RABGAP1L: variants seen among roughly 807,000 people sequenced by gnomAD.
The protein encoded by RABGAP1L is RAB GTPase activating protein 1 like.
Under a neutral mutation model 137.7 loss-of-function variants are expected in RABGAP1L, and 63 were observed. The ratio of observed to expected loss-of-function variants is 0.46; its 90% CI spans 0.37 to 0.56. RABGAP1L has a LOEUF of 0.56. Among genes scored for constraint, RABGAP1L ranks in the 20% least tolerant of loss-of-function variants. RABGAP1L has a pLI of 0.00. For synonymous variants in RABGAP1L, 431 were observed against 433.7 expected (o/e 0.99, Z 0.08); for missense variants, 1,095 against 1,244.0 (o/e 0.88, Z 1.80).
chr1:174,629,471 G>C (rs916020429), intron 13 of RABGAP1L, among the ~76,000 whole-genome samples: 2 of 152,158 alleles, frequency 1.3e-5, no homozygotes, highest in Admixed American at 6.5e-5. Context: ...TGTATAAGAA[G>C]AAAACTCTAG....
chr1:174,827,745 A>G lies in RABGAP1L; in HGVS notation c.2340+15785A>G, dbSNP rs541766465. 5.4e-5 allele frequency among the ~76,000 whole-genome samples: 8 copies of G among 147,988 alleles called. 1 individual carries two copies. Among genetic ancestry groups the G allele is most frequent in the African/African-American group, 1.5e-4 (6 of 40,630 alleles). On this transcript the variant is annotated intron_variant, in intron 19 of 25. Transcript: ENST00000681986. The stretch of plus-strand genomic sequence containing the variant: ...TGGTTGGCAAGGAATTTTCTCTGGC[A>G]TGCATGATAGCTTGTTAGAAGTTCT...
At chr1:174,986,787 T>C (rs1671626826) in intron 24 of RABGAP1L, among the ~76,000 whole-genome samples, 1 of 152,234 alleles carries the variant, frequency 6.6e-6, no homozygotes, top group African/African-American at 2.4e-5. Flanking sequence ...TCTTTGCACA[T>C]GGTGGTGTTC....
intron 15 of RABGAP1L, among the ~76,000 whole-genome samples, chr1:174,686,349 G>A (rs1572807598): frequency 2.0e-5 from 3 of 152,122 alleles, no homozygotes; most frequent in Admixed American, 2.0e-4. Context: ...GACAGTTTCT[G>A]TCTTCTTGTT....
chr1:174,841,285 T>C (rs1190677806), intron 19 of RABGAP1L, among the ~76,000 whole-genome samples: 2 of 152,158 alleles, frequency 1.3e-5, no homozygotes, highest in East Asian at 3.8e-4. Context: ...CAGCATTCTG[T>C]GATCTCATTG....
At chr1:174,559,711 C>T (rs1667088643) in intron 13 of RABGAP1L, among the ~76,000 whole-genome samples, 1 of 152,182 alleles carries the variant, frequency 6.6e-6, no homozygotes, top group Non-Finnish European at 1.5e-5. Flanking sequence ...TTGAAGTCCT[C>T]ATGATGAGAA....
intron 17 of RABGAP1L, among the ~76,000 whole-genome samples, chr1:174,744,944 G>A (rs1683756512): frequency 6.6e-6 from 1 of 152,154 alleles, no homozygotes; most frequent in African/African-American, 2.4e-5. Flanking sequence ...TCTTGGTACT[G>A]TTTTTGCAAA....
rs1338980968 is a variant in RABGAP1L at position 174,847,247 on chromosome 1, T to G, written c.2340+35287T>G. Among the ~76,000 whole-genome samples the G allele has an allele frequency of 2.0e-5, 3 of 151,818 alleles. No individual in the cohort carries two copies. The East Asian group carries it at 5.8e-4, about 29-fold the overall frequency. On this transcript the variant is annotated intron_variant, in intron 19 of 25. Transcript: ENST00000681986. The stretch of plus-strand genomic sequence containing the variant: ...TTTACATTTAAAGTTAATATTGTTA[T>G]GTGTGAATTTGATCCTGTCATTATG...
At chr1:174,930,323 C>G (rs544536466) in intron 19 of RABGAP1L, among the ~76,000 whole-genome samples, 1 of 150,962 alleles carries the variant, frequency 6.6e-6, no homozygotes, top group African/African-American at 2.4e-5. Flanking sequence ...ACACCTAGAT[C>G]AAACTTCTTT....
At chr1:174,339,667 C>T (rs187506811) in intron 11 of RABGAP1L, among the ~76,000 whole-genome samples, 4 of 151,764 alleles carry the variant, frequency 2.6e-5, no homozygotes, top group Middle Eastern at 3.2e-3. Context: ...AGTGCAGTGG[C>T]GTGATCTCAG....
intron 19 of RABGAP1L, among the ~76,000 whole-genome samples, chr1:174,832,609 G>A (rs937033515): frequency 3.1e-5 from 4 of 127,036 alleles, no homozygotes; most frequent in African/African-American, 1.1e-4. Context: ...ACCCAGTTCA[G>A]GCTCCCTCCA....
chr1:174,580,300 T>C (rs1668640367), intron 13 of RABGAP1L, among the ~76,000 whole-genome samples: 1 of 152,216 alleles, frequency 6.6e-6, no homozygotes, highest in Non-Finnish European at 1.5e-5. Context: ...CAAAGGATTA[T>C]AAATCGTGCT....
intron 1 of RABGAP1L, among the ~76,000 whole-genome samples, chr1:174,192,156 A>C (rs560941368): frequency 6.6e-6 from 1 of 152,300 alleles, no homozygotes; most frequent in South Asian, 2.1e-4. Context: ...TTTATTCTGT[A>C]AATGATAATA....
In RABGAP1L at chr1:174,656,358, TGAGGCAGGAGAATCACTTAAACCTGG is replaced by T. The variant is rs199648020; in HGVS notation, c.1824+18878_1824+18903del. ...CTGTAATCCCAGCTATTTGGAAGGC[TGAGGCAGGAGAATCACTTAAACCTGG>T]GAGGCAGAGGTTGCAGAGAGCCGAG... is the stretch of plus-strand genomic sequence containing the variant. On this transcript the variant is annotated intron_variant, in intron 14 of 25. Coordinates refer to ENST00000681986, the MANE Select transcript of RABGAP1L (RefSeq NM_001366446.1). Among the ~76,000 whole-genome samples, 224 of 152,278 alleles carry T rather than the reference TGAGGCAGGAGAATCACTTAAACCTGG, an allele frequency of 1.5e-3. 6 individuals carry two copies. In the East Asian group the frequency reaches 0.041, roughly 28 times the overall value.
intron 19 of RABGAP1L, among the ~76,000 whole-genome samples, chr1:174,955,001 T>C (rs79448365): frequency 0.017 from 2,566 of 152,194 alleles, 56 homozygotes; most frequent in African/African-American, 0.059. Flanking sequence ...CCAAGAAAAA[T>C]AATGTTGTCG....
chr1:174,859,277 C>G (rs1046597984), intron 19 of RABGAP1L, among the ~76,000 whole-genome samples: 1 of 151,900 alleles, frequency 6.6e-6, no homozygotes, highest in African/African-American at 2.4e-5. Flanking sequence ...GTCAGGAGAT[C>G]GAGACCATCT....
intron 13 of RABGAP1L, among the ~76,000 whole-genome samples, chr1:174,576,494 C>G (rs1211815252): frequency 6.6e-6 from 1 of 152,220 alleles, no homozygotes; most frequent in Non-Finnish European, 1.5e-5. Flanking sequence ...AAGCAAATCA[C>G]ACGCTGTTGG....
chr1:174,573,615 A>G (rs1316798853), intron 13 of RABGAP1L, among the ~76,000 whole-genome samples: 2 of 152,124 alleles, frequency 1.3e-5, no homozygotes, highest in Non-Finnish European at 2.9e-5. Context: ...TTACTATGTT[A>G]TGGTATATTT....
chr1:174,768,827 C>G (rs964463075), intron 18 of RABGAP1L, among the ~76,000 whole-genome samples: 1 of 152,150 alleles, frequency 6.6e-6, no homozygotes, highest in Non-Finnish European at 1.5e-5. Flanking sequence ...TGCCTTATGC[C>G]CTCTTGGACA....
intron 4 of RABGAP1L, among the ~76,000 whole-genome samples, chr1:174,241,209 A>G (rs1414370908): frequency 2.6e-5 from 4 of 152,094 alleles, no homozygotes; most frequent in Non-Finnish European, 4.4e-5. Context: ...TATCCCAGGT[A>G]CTTGGGAGGC....
Sources: allele counts gnomAD v4.1 joint callset (sites outside exome capture counted in the v4.1 genomes callset), GRCh38; gene constraint gnomAD v4.1.1; transcripts MANE v1.5; gene names NCBI Gene and HGNC (gene_info 2026-07-23, HGNC 2026-07-21).